SPOCK3: variants seen among roughly 807,000 people sequenced by gnomAD.
The protein encoded by SPOCK3 is testican-3.
Under a neutral mutation model 56.6 loss-of-function variants are expected in SPOCK3, and 30 were observed. The observed-to-expected ratio is 0.53, with a 90% CI of 0.40 to 0.72. SPOCK3 has a LOEUF of 0.72. SPOCK3 is among the 30% of genes least tolerant of loss of function. The pLI is 0.00. For missense variants in SPOCK3, 527 were observed against 530.0 expected, an observed-to-expected ratio of 0.99 and a Z score of 0.06; for synonymous variants, 196 against 183.3, an observed-to-expected ratio of 1.07 and a Z score of -0.56.
chr4:166,942,099 C>T lies in SPOCK3; in HGVS notation c.351-29356G>A, dbSNP rs538209068. Among the ~76,000 whole-genome samples, 9 of 152,302 alleles carry T rather than the reference C, an allele frequency of 5.9e-5. No homozygotes were observed. The South Asian group carries it at 1.7e-3, about 28-fold the overall frequency. Reference sequence around the variant, plus strand: ...TAACTTTATAAACACTTAAATGTTACTGTATCTCCCTTAGACTTTCTAACA... The same window carrying T: ...TAACTTTATAAACACTTAAATGTTATTGTATCTCCCTTAGACTTTCTAACA... On this transcript the variant is annotated intron_variant, in intron 4 of 10. Transcript: ENST00000357545.
At chr4:167,150,404 A>T (rs991753474) in intron 2 of SPOCK3, among the ~76,000 whole-genome samples, 2 of 152,170 alleles carry the variant, frequency 1.3e-5, no homozygotes, top group African/African-American at 4.8e-5. Context: ...GAACAGATGT[A>T]GATTTTCAAA....
intron 3 of SPOCK3, among the ~76,000 whole-genome samples, chr4:167,048,969 A>G (rs950134789): frequency 5.3e-5 from 8 of 152,272 alleles, no homozygotes; most frequent in African/African-American, 1.7e-4. Flanking sequence ...TAGTTCTCCA[A>G]TGAGAAGTGT....
At chr4:166,842,974 G>A (rs1747619237) in intron 6 of SPOCK3, among the ~76,000 whole-genome samples, 1 of 152,224 alleles carries the variant, frequency 6.6e-6, no homozygotes, top group South Asian at 2.1e-4. Flanking sequence ...TGCCCCGCGG[G>A]GAGGCAGCTG....
At chr4:166,967,945 TGGAGATGAG>T (rs1561066686) in intron 4 of SPOCK3, among the ~76,000 whole-genome samples, 2 of 152,164 alleles carry the variant, frequency 1.3e-5, no homozygotes, top group Non-Finnish European at 1.5e-5. Flanking sequence ...TGGTCTCAGA[TGGAGATGAG>T]GGACTTATTG....
At chr4:166,795,452 A>G (rs2126668053) in intron 6 of SPOCK3, among the ~76,000 whole-genome samples, 1 of 152,274 alleles carries the variant, frequency 6.6e-6, no homozygotes, top group Non-Finnish European at 1.5e-5. Context: ...GTATTATTAA[A>G]AATAATACTT....
intron 4 of SPOCK3, among the ~76,000 whole-genome samples, chr4:166,966,230 T>C (rs1744716650): frequency 6.9e-6 from 1 of 144,592 alleles, no homozygotes; most frequent in East Asian, 2.0e-4. Flanking sequence ...TATTCATCCA[T>C]CCTTTCAGCG....
intron 4 of SPOCK3, among the ~76,000 whole-genome samples, chr4:166,944,785 A>G (rs1429195795): frequency 1.2e-4 from 19 of 152,040 alleles, no homozygotes; most frequent in Admixed American, 1.2e-3. Context: ...TTATGGTGGT[A>G]TCTTCCAGTA....
At chr4:166,861,611 T>G (rs1361550231) in intron 6 of SPOCK3, among the ~76,000 whole-genome samples, 1 of 152,126 alleles carries the variant, frequency 6.6e-6, no homozygotes, top group African/African-American at 2.4e-5. Context: ...GCCCTTCCTG[T>G]GCTATTTATG....
chr4:167,172,411 C>T (rs949907983), intron 2 of SPOCK3, among the ~76,000 whole-genome samples: 9 of 152,120 alleles, frequency 5.9e-5, no homozygotes, highest in African/African-American at 9.7e-5. Context: ...TAAAACAGCA[C>T]ATAATGAAGG....
chr4:167,120,823 G>T (rs1030793828), intron 2 of SPOCK3, among the ~76,000 whole-genome samples: 1 of 151,766 alleles, frequency 6.6e-6, no homozygotes, highest in African/African-American at 2.4e-5. Flanking sequence ...ATTTTAGAAA[G>T]GTTATTTTAA....
intron 6 of SPOCK3, among the ~76,000 whole-genome samples, chr4:166,845,113 C>T (rs1451041471): frequency 6.6e-6 from 1 of 152,154 alleles, no homozygotes; most frequent in Non-Finnish European, 1.5e-5. Flanking sequence ...AAATTTTCTA[C>T]TGTAACCCAC....
chr4:167,008,362 A>G (rs913979568), intron 3 of SPOCK3, among the ~76,000 whole-genome samples: 1 of 152,076 alleles, frequency 6.6e-6, no homozygotes, highest in African/African-American at 2.4e-5. Context: ...GACATTTATA[A>G]TTCTTAGCAA....
rs1560874843 is a variant in SPOCK3, at chr4:166,803,026, T to C, written c.590-10737A>G. On this transcript the variant is annotated intron_variant, in intron 6 of 10. Coordinates refer to ENST00000357545, the MANE Select transcript of SPOCK3 (RefSeq NM_001040159.2). The stretch of plus-strand genomic sequence containing the variant: ...AAGTGTAAAATCAGATAACTTGGTC[T>C]CCAATTGCTCTCTGACAAATAAAGC... Among the ~76,000 whole-genome samples the C allele has an allele frequency of 3.9e-5, 6 of 152,238 alleles. No homozygotes were observed. The South Asian group carries it at 1.2e-3, about 32-fold the overall frequency.
chr4:167,043,592 C>T lies in SPOCK3; in HGVS notation c.235+18900G>A, dbSNP rs57241190. ...CAGGTTTTTTATAGATGTTCTTTAT[C>T]AGGTTGCAGAAGTCAACCTCTATTC... On this transcript the variant is annotated intron_variant, in intron 3 of 10. Coordinates refer to ENST00000357545, the MANE Select transcript of SPOCK3 (RefSeq NM_001040159.2). Among the ~76,000 whole-genome samples the T allele has an allele frequency of 6.1e-3, 934 of 152,046 alleles. 9 individuals are homozygous for T. The highest frequency in any genetic ancestry group is 0.022 in the African/African-American group (903 of 41,510).
chr4:167,087,311 C>A (rs1402760412), intron 2 of SPOCK3, among the ~76,000 whole-genome samples: 1 of 152,056 alleles, frequency 6.6e-6, no homozygotes, highest in Non-Finnish European at 1.5e-5. Flanking sequence ...TGAAACTAGG[C>A]AGAGAATCCT....
intron 2 of SPOCK3, among the ~76,000 whole-genome samples, chr4:167,072,677 T>C (rs1476395716): frequency 6.6e-6 from 1 of 151,950 alleles, no homozygotes; most frequent in African/African-American, 2.4e-5. Flanking sequence ...AGTACTTTTA[T>C]TTTTTCTTTT....
At chr4:166,912,138 A>T (rs1489270712) in intron 5 of SPOCK3, among the ~76,000 whole-genome samples, 1 of 152,162 alleles carries the variant, frequency 6.6e-6, no homozygotes, top group Non-Finnish European at 1.5e-5. Context: ...GATTATATCA[A>T]ATCCTAGCTT....
intron 3 of SPOCK3, among the ~76,000 whole-genome samples, chr4:167,004,798 T>A (rs148324406): frequency 6.6e-6 from 1 of 152,160 alleles, no homozygotes; most frequent in Non-Finnish European, 1.5e-5. Context: ...AATAAGATAT[T>A]TGGTGGTGAG....
intron 6 of SPOCK3, among the ~76,000 whole-genome samples, chr4:166,879,079 C>G (rs1455705330): frequency 1.3e-5 from 2 of 151,914 alleles, no homozygotes; most frequent in Admixed American, 6.6e-5. Flanking sequence ...AGTGACAAAC[C>G]TGGGGTAAAA....
Sources: gnomAD v4.1 joint callset for allele counts (sites outside exome capture counted in the v4.1 genomes callset) on GRCh38, gnomAD v4.1.1 for gene constraint, MANE v1.5 for transcripts, NCBI Gene and HGNC (gene_info 2026-07-23, HGNC 2026-07-21) for gene names.